KLF12: variants seen among roughly 807,000 people sequenced by gnomAD.
The protein encoded by KLF12 is KLF transcription factor 12, also known as Krueppel-like factor 12.
KLF12 carries 9 observed loss-of-function variants against 37.8 expected under a neutral mutation model. That is an observed-to-expected ratio of 0.24 (90% CI 0.14 to 0.42). KLF12 has a LOEUF of 0.42. KLF12 is among the 10% of genes least tolerant of loss of function. KLF12 has a pLI of 1.00. For synonymous variants in KLF12, 208 were observed against 202.1 expected (o/e 1.03, Z -0.25); for missense variants, 411 against 516.0 (o/e 0.80, Z 1.97).
At chr13:74,183,301 C>A in the KLF12 span, among the ~76,000 whole-genome samples, 1 of 152,078 alleles carries the variant, frequency 6.6e-6, no homozygotes, top group Non-Finnish European at 1.5e-5. Context: ...CACATGAATG[C>A]GGGACTCGGC....
chr13:74,237,426 C>A, the KLF12 span, among the ~76,000 whole-genome samples: 5 of 137,748 alleles, frequency 3.6e-5, no homozygotes, highest in Non-Finnish European at 7.5e-5. Context: ...GCGACGCGGG[C>A]TCTTTTTTGG....
intron 6 of KLF12, among the ~76,000 whole-genome samples, chr13:73,717,153 G>A (rs999981708): frequency 6.6e-6 from 1 of 152,176 alleles, no homozygotes; most frequent in Admixed American, 6.5e-5. Context: ...ATGTCGTTAT[G>A]TTCCAATGAA....
the KLF12 span, among the ~76,000 whole-genome samples, chr13:74,183,640 A>G: frequency 6.6e-6 from 1 of 152,200 alleles, no homozygotes. Flanking sequence ...AAAAACTCTC[A>G]AAGATTCTCA....
the KLF12 span, among the ~76,000 whole-genome samples, chr13:74,217,778 G>A: frequency 4.6e-5 from 7 of 152,242 alleles, no homozygotes; most frequent in Admixed American, 2.0e-4. Context: ...TGTTGCAAAA[G>A]AAACATGGAG....
the KLF12 span, among the ~76,000 whole-genome samples, chr13:74,271,241 C>T: frequency 6.6e-6 from 1 of 152,132 alleles, no homozygotes; most frequent in African/African-American, 2.4e-5. Flanking sequence ...AAAACCAGTC[C>T]CTGATGCCAA....
At chr13:73,922,735 A>G (rs1889175345) in intron 3 of KLF12, among the ~76,000 whole-genome samples, 1 of 152,194 alleles carries the variant, frequency 6.6e-6, no homozygotes, top group Admixed American at 6.5e-5. Flanking sequence ...GCACTGTCCT[A>G]GGTATTGTGC....
At chr13:74,021,247 T>C (rs1231353641) in intron 1 of KLF12, among the ~76,000 whole-genome samples, 1 of 152,104 alleles carries the variant, frequency 6.6e-6, no homozygotes, top group East Asian at 1.9e-4. Context: ...ACATCAGGAA[T>C]GATCAGGCAT....
intron 1 of KLF12, among the ~76,000 whole-genome samples, chr13:74,062,111 A>G (rs1432862778): frequency 6.6e-6 from 1 of 151,678 alleles, no homozygotes; most frequent in Admixed American, 6.6e-5. Context: ...TTGCTAAATC[A>G]GGGTTGAATT....
chr13:74,290,623 A>G, the KLF12 span, among the ~76,000 whole-genome samples: 1 of 152,202 alleles, frequency 6.6e-6, no homozygotes, highest in East Asian at 1.9e-4. Flanking sequence ...CTGAGTAGTG[A>G]CAATGTGTTC....
the KLF12 span, among the ~76,000 whole-genome samples, chr13:74,170,047 T>G: frequency 6.6e-6 from 1 of 152,218 alleles, no homozygotes; most frequent in Non-Finnish European, 1.5e-5. Flanking sequence ...TTCATCCTTA[T>G]ACAGCACATA....
At chr13:73,708,994 T>G (rs719758) in intron 7 of KLF12, among the ~76,000 whole-genome samples, 90,945 of 151,980 alleles carry the variant, frequency 0.6, 28,546 homozygotes, top group East Asian at 0.74. Flanking sequence ...ATATATTTTT[T>G]CCTTTTTTTG....
chr13:73,755,441 C>A (rs1879089281), intron 6 of KLF12, among the ~76,000 whole-genome samples: 1 of 152,134 alleles, frequency 6.6e-6, no homozygotes, highest in Non-Finnish European at 1.5e-5. Context: ...CCCTCTAGCT[C>A]AGAATTCTCA....
chr13:73,916,346 T>TA (rs1888847406), intron 3 of KLF12, among the ~76,000 whole-genome samples: 1 of 152,088 alleles, frequency 6.6e-6, no homozygotes, highest in Non-Finnish European at 1.5e-5. Flanking sequence ...AATTAAAAGA[T>TA]ACAGCTTTAT....
chr13:73,939,071 C>T (rs565797089), intron 3 of KLF12, among the ~76,000 whole-genome samples: 1 of 152,288 alleles, frequency 6.6e-6, no homozygotes, highest in African/African-American at 2.4e-5. Flanking sequence ...CTCTGCCGGC[C>T]CACGGATCAG....
chr13:73,822,429 C>A (rs1883579413), intron 4 of KLF12, among the ~76,000 whole-genome samples: 1 of 152,184 alleles, frequency 6.6e-6, no homozygotes, highest in South Asian at 2.1e-4. Context: ...GAAGGAATTT[C>A]ATCCTTCATC....
At chr13:73,893,178 CAG>C (rs1464870591) in intron 3 of KLF12, among the ~76,000 whole-genome samples, 1 of 152,050 alleles carries the variant, frequency 6.6e-6, no homozygotes, top group Non-Finnish European at 1.5e-5. Context: ...AGCACTGGGT[CAG>C]AGAGAGGGGC....
chr13:74,101,488 G>C (rs73531243), intron 1 of KLF12, among the ~76,000 whole-genome samples: 2,904 of 152,072 alleles, frequency 0.019, 101 homozygotes, highest in African/African-American at 0.064. Context: ...GGATCAATGA[G>C]CACTCAGAAA....
chr13:74,100,435 T>C (rs1017432516), intron 1 of KLF12, among the ~76,000 whole-genome samples: 1 of 152,120 alleles, frequency 6.6e-6, no homozygotes, highest in Non-Finnish European at 1.5e-5. Flanking sequence ...CTGGCCAACA[T>C]GGCAAAACCC....
chr13:74,264,186 T>C, the KLF12 span, among the ~76,000 whole-genome samples: 1 of 152,172 alleles, frequency 6.6e-6, no homozygotes, highest in Non-Finnish European at 1.5e-5. Flanking sequence ...TTTGCTGATG[T>C]TGAATAACAG....
Sources: gnomAD v4.1 joint callset for allele counts (sites outside exome capture counted in the v4.1 genomes callset) on GRCh38, gnomAD v4.1.1 for gene constraint, MANE v1.5 for transcripts, NCBI Gene and HGNC (gene_info 2026-07-23, HGNC 2026-07-21) for gene names.